The following SYNE1 variants were observed in gnomAD, a reference collection of about 807,000 sequenced individuals.
SYNE1 encodes nesprin-1.
SYNE1 carries 616 observed loss-of-function variants against 1,111.0 expected under a neutral mutation model. The observed-to-expected ratio is 0.55, with a 90% CI of 0.52 to 0.59. SYNE1 has a LOEUF of 0.59. SYNE1 is among the 20% of genes least tolerant of loss of function. The pLI is 0.00. For missense variants in SYNE1, 10,006 were observed against 10,417.0 expected (o/e 0.96, Z 1.72); for synonymous variants, 3,855 against 3,825.8 (o/e 1.01, Z -0.28).
rs777537352 is a variant in SYNE1, at chr6:152,373,196, A to C, written c.9348T>G (p.Asn3116Lys). The change falls in exon 59 of 146, where the codon AAT (asparagine) becomes AAG (lysine). Residue 3116 changes from asparagine (N) to lysine (K), a missense_variant. Physicochemically the swap from Asn to Lys is moderately conservative, Grantham distance 94 (BLOSUM62 0). Coordinates refer to ENST00000367255, the MANE Select transcript of SYNE1 (RefSeq NM_182961.4). Reference sequence around the variant, plus strand: ...GCATCATGTTTAGCTTGTGCTGTCCATTTTCACTTTCTGACAAAAACTCCT... The same window carrying C: ...GCATCATGTTTAGCTTGTGCTGTCCCTTTTCACTTTCTGACAAAAACTCCT... ...KIQEFLSESE[N>K]GQHKLNMMLS... 1.3e-5 allele frequency: 21 copies of C among 1,612,738 alleles called. No homozygotes were observed. The highest frequency in any genetic ancestry group is 1.8e-5 in the Non-Finnish European group (21 of 1,179,832).
At chr6:152,455,804 A>T in intron 23 of SYNE1, 82 bp downstream of exon 23, 1 of 1,599,386 alleles carries the variant, frequency 6.3e-7, no homozygotes, top group Non-Finnish European at 8.6e-7. Flanking sequence ...TTTTAGCAAG[A>T]CCAAAAGCAC....
chr6:152,463,366 A>G lies in SYNE1; in HGVS notation c.2084T>C (p.Met695Thr), dbSNP rs2098745558. The change falls in exon 19 of 146, where the codon ATG becomes ACG. Residue 695 changes from methionine to threonine, a missense_variant. Around this residue, in one of 7 missense-constraint regions of SYNE1, gnomAD observed 1,971 missense variants for 2,084.1 expected, o/e 0.95. Coordinates refer to ENST00000367255, the MANE Select transcript of SYNE1 (RefSeq NM_182961.4). ...LLNGRWRELFMEVKQYAQADE... is the reference protein window; with the variant it reads ...LLNGRWRELFTEVKQYAQADE... ...TGAAAGACATACTTGCTTGACTTCCATAAACAACTCCCTCCACCGCCCATT... is the reference window on the plus strand; with the variant it reads ...TGAAAGACATACTTGCTTGACTTCCGTAAACAACTCCCTCCACCGCCCATT... 4 of 1,613,786 alleles carry G rather than the reference A, an allele frequency of 2.5e-6. No homozygotes were observed. The African/African-American group carries it at 5.3e-5, about 22-fold the overall frequency.
chr6:152,519,994 A>G (rs780299929), intron 6 of SYNE1, among the ~76,000 whole-genome samples: 34 of 152,322 alleles, frequency 2.2e-4, no homozygotes, highest in Admixed American at 1.3e-4. Flanking sequence ...GAGAGACATT[A>G]TGCAAAATAA....
intron 32 of SYNE1, among the ~76,000 whole-genome samples, chr6:152,436,935 G>A (rs528607372): frequency 7.9e-5 from 12 of 152,160 alleles, no homozygotes; most frequent in African/African-American, 2.9e-4. Context: ...GGAGGCTGAG[G>A]CAGGAGGATC....
chr6:152,317,639 T>C (rs1211019415), intron 86 of SYNE1, among the ~76,000 whole-genome samples: 1 of 152,244 alleles, frequency 6.6e-6, no homozygotes, highest in Non-Finnish European at 1.5e-5. Context: ...TCCCTGATTA[T>C]ATTAATCGAT....
chr6:152,468,261 G>A (rs891390504), intron 16 of SYNE1, among the ~76,000 whole-genome samples: 1 of 151,960 alleles, frequency 6.6e-6, no homozygotes, highest in African/African-American at 2.4e-5. Context: ...ATTGAGGAGA[G>A]GTTTATCAAG....
intron 33 of SYNE1, 83 bp from the exon 34 acceptor site, chr6:152,434,028 A>T (rs1257735623): frequency 8.0e-7 from 1 of 1,254,234 alleles, no homozygotes; most frequent in Non-Finnish European, 1.1e-6. Flanking sequence ...CACCAGGTGA[A>T]GAGATAATGA....
At chr6:152,476,174 A>G (rs1230458161) in intron 14 of SYNE1, among the ~76,000 whole-genome samples, 1 of 152,126 alleles carries the variant, frequency 6.6e-6, no homozygotes, top group Non-Finnish European at 1.5e-5. Flanking sequence ...TCCAAGCTGT[A>G]CTTCTTCCCT....
intron 72 of SYNE1, 127 bp downstream of exon 72, chr6:152,350,041 T>A: frequency 8.1e-7 from 1 of 1,232,156 alleles, no homozygotes; most frequent in Non-Finnish European, 1.2e-6. Context: ...ATTCTCTCAG[T>A]ACAATCATTA....
chr6:152,331,790 T>G lies in SYNE1; in HGVS notation c.12895A>C (p.Lys4299Gln). 6.2e-7 allele frequency: 1 copy of G among 1,614,218 alleles called. No individual in the cohort carries two copies. Among genetic ancestry groups the G allele is most frequent in the Non-Finnish European group, 8.5e-7 (1 of 1,180,042 alleles). The change falls in exon 78 of 146, where the codon AAG (lysine) becomes CAG (glutamine). Residue 4299 changes from lysine to glutamine, a missense_variant. Physicochemically the swap from Lys to Gln is moderately conservative, Grantham distance 53. This residue lies in a region of SYNE1 where 4,955 missense variants were observed against 5,017.2 expected (regional missense o/e 0.99). Transcript: ENST00000367255. ...KYAIEDLKDQ[K>Q]QKMIEHLNLD... Reference sequence around the variant, plus strand: ...TTCAGATGCTCTATCATTTTCTGCTTTTGATCTTTCAGATCTTCAATAGCA... The same window carrying G: ...TTCAGATGCTCTATCATTTTCTGCTGTTGATCTTTCAGATCTTCAATAGCA...
At chr6:152,442,642 A>G (rs2098542192) in intron 30 of SYNE1, among the ~76,000 whole-genome samples, 1 of 152,224 alleles carries the variant, frequency 6.6e-6, no homozygotes, top group Non-Finnish European at 1.5e-5. Flanking sequence ...TTAAAATGCA[A>G]ATATTAAGAG....
chr6:152,207,179 T>G (rs372390830), intron 125 of SYNE1, among the ~76,000 whole-genome samples: 1 of 152,094 alleles, frequency 6.6e-6, no homozygotes, highest in African/African-American at 2.4e-5. Context: ...TCTCAAATTA[T>G]TCTAGGATTC....
intron 108 of SYNE1, among the ~76,000 whole-genome samples, chr6:152,238,159 A>AG (rs2084664682): frequency 1.4e-5 from 2 of 144,408 alleles, no homozygotes; most frequent in Admixed American, 1.4e-4. Flanking sequence ...AGAACTGGGT[A>AG]GGGGTGGGAG....
intron 96 of SYNE1, among the ~76,000 whole-genome samples, chr6:152,283,515 CTGTT>C (rs1383590921): frequency 1.3e-5 from 2 of 152,070 alleles, no homozygotes; most frequent in Non-Finnish European, 2.9e-5. Flanking sequence ...ATTCGGGAGA[CTGTT>C]TTGTTTTGTT....
chr6:152,271,825 C>T (rs1032723322), intron 98 of SYNE1, among the ~76,000 whole-genome samples: 1 of 152,218 alleles, frequency 6.6e-6, no homozygotes, highest in Non-Finnish European at 1.5e-5. Context: ...GTGGCCCTGG[C>T]CATGACCTGC....
chr6:152,502,790 G>C, intron 9 of SYNE1, 48 bp from the exon 10 acceptor site: 2 of 1,361,830 alleles, frequency 1.5e-6, no homozygotes, highest in Non-Finnish European at 1.0e-6. Flanking sequence ...GCATTCATTG[G>C]ATTTTGATAA....
intron 59 of SYNE1, among the ~76,000 whole-genome samples, chr6:152,370,032 C>T (rs537326437): frequency 6.0e-5 from 9 of 150,274 alleles, no homozygotes; most frequent in African/African-American, 2.2e-4. Context: ...AAACCAAGCC[C>T]GCTCCAAAGT....
At chr6:152,247,748 T>TACACAC (rs1419093301) in intron 105 of SYNE1, among the ~76,000 whole-genome samples, 95 of 90,894 alleles carry the variant, frequency 1.0e-3, no homozygotes, top group Admixed American at 3.5e-3. Flanking sequence ...TATATATATA[T>TACACAC]ATACACACAC....
In SYNE1 at chr6:152,511,563, G is replaced by T. The variant is rs374228729; in HGVS notation, c.310-460C>A. The T allele has an allele frequency of 4.3e-6, 7 of 1,612,188 alleles. No individual in the cohort carries two copies. Among genetic ancestry groups the T allele is most frequent in the African/African-American group, 1.3e-5 (1 of 74,824 alleles). On this transcript the variant is annotated intron_variant, in intron 6 of 145. Transcript: ENST00000367255. ...TCAGGAGTTAAGAATTCTAAAATTT[G>T]TACTAACCGGTGATCCTCTGTGCAT...
Sources: gnomAD v4.1 joint callset for allele counts (sites outside exome capture counted in the v4.1 genomes callset) on GRCh38, gnomAD v4.1.1 for gene constraint, gnomAD v4.1.1 regional missense constraint, MANE v1.5 for transcripts, NCBI Gene and HGNC (gene_info 2026-07-23, HGNC 2026-07-21) for gene names.